Variants in ERN1 observed in about 807,000 individuals in gnomAD.
The protein encoded by ERN1 is serine/threonine-protein kinase/endoribonuclease IRE1.
Under a neutral mutation model 113.1 loss-of-function variants are expected in ERN1, and 39 were observed. That is an observed-to-expected ratio of 0.34 (90% CI 0.27 to 0.45). ERN1 has a LOEUF of 0.45. ERN1 is among the 20% of genes least tolerant of loss of function. The probability of loss-of-function intolerance (pLI) is 1.00; values close to 1 mark genes in which losing one functional copy is unlikely to be tolerated. For synonymous variants in ERN1, 507 were observed against 515.9 expected (o/e 0.98, Z 0.23); for missense variants, 976 against 1,274.8 (o/e 0.77, Z 3.57).
chr17:64,087,760 G>C (rs1431172172), intron 2 of ERN1, among the ~76,000 whole-genome samples: 3 of 152,264 alleles, frequency 2.0e-5, no homozygotes, highest in Non-Finnish European at 4.4e-5. Context: ...AGGTTGGAGA[G>C]AATGGCCTGT....
At chr17:64,084,095 T>C (rs1055915910) in intron 2 of ERN1, among the ~76,000 whole-genome samples, 1 of 151,894 alleles carries the variant, frequency 6.6e-6, no homozygotes, top group Non-Finnish European at 1.5e-5. Flanking sequence ...CCGGGTCCTT[T>C]CTCTGGATCA....
chr17:64,044,268 A>C lies in ERN1; in HGVS notation c.2722-68T>G. On this transcript the variant is annotated intron_variant, in intron 21 of 21. Coordinates refer to ENST00000433197, the MANE Select transcript of ERN1 (RefSeq NM_001433.5). This position sits in a 1 kb window ranked among gnomAD's most constrained non-coding sequence, Gnocchi z 4.1. Reference sequence around the variant, plus strand: ...AAAGCTCGGGAAATGTTGGCAAAACACCCTTTCATCATGCAAGGAAGAGAC... The same window carrying C: ...AAAGCTCGGGAAATGTTGGCAAAACCCCCTTTCATCATGCAAGGAAGAGAC... 1 of 1,135,552 alleles carries C rather than the reference A, an allele frequency of 8.8e-7. No individual in the cohort carries two copies. The highest frequency in any genetic ancestry group is 1.2e-6 in the Non-Finnish European group (1 of 820,114). 70.3% of individuals were successfully genotyped at this position (1,135,552 alleles called of 1,614,324 possible). A position where few individuals can be genotyped will look rare whatever the true frequency, so the allele number is the denominator to read the frequency against.
intron 7 of ERN1, 144 bp downstream of exon 7, chr17:64,068,043 TATG>T (rs1018986664): frequency 1.6e-6 from 1 of 612,100 alleles, no homozygotes; most frequent in African/African-American, 1.9e-5. Context: ...GGGAAGTATT[TATG>T]ATAAGCCCAT....
Position 64,063,270 on chromosome 17 carries a change from T to C in ERN1, c.1087+716A>G, listed in dbSNP as rs1028239885. On this transcript the variant is annotated intron_variant, in intron 10 of 21. Transcript: ENST00000433197. The surrounding 1 kb of genome is among the most constrained non-coding windows in gnomAD (Gnocchi z 5.1). The stretch of plus-strand genomic sequence containing the variant: ...GCAGATGGGGTTCAAGAAAACTCCC[T>C]CCTGCTCTAATGACTTGGCACACTT... Among the ~76,000 whole-genome samples the C allele has an allele frequency of 7.2e-5, 11 of 152,216 alleles. No individual in the cohort carries two copies. The highest frequency in any genetic ancestry group is 2.4e-4 in the African/African-American group (10 of 41,446).
rs754642720 is a variant in ERN1, at chr17:64,042,411, T to C, written c.*1577A>G. 5 of 152,306 alleles carry C rather than the reference T, an allele frequency of 3.3e-5. No individual in the cohort carries two copies. Among genetic ancestry groups the C allele is most frequent in the Middle Eastern group, 3.4e-3 (1 of 294 alleles). The allele number at this position is 152,306 out of a possible 1,614,324, so 9.4% of individuals were successfully genotyped here. The stretch of plus-strand genomic sequence containing the variant: ...AATGAGAGCTTTTGATGAGTAACCA[T>C]GATACAAATACACAAACAGAAAACA... On this transcript the variant is annotated 3_prime_UTR_variant, in exon 22 of 22. Coordinates refer to ENST00000433197, the MANE Select transcript of ERN1 (RefSeq NM_001433.5).
chr17:64,054,885 G>T lies in ERN1; in HGVS notation c.1673-57C>A. ...AAACAGATATCACCTAAAGAACCTT[G>T]AGGTTAACATAGTGACAAGCTTCCT... On this transcript the variant is annotated intron_variant, in intron 13 of 21. Coordinates refer to ENST00000433197, the MANE Select transcript of ERN1 (RefSeq NM_001433.5). This position sits in a 1 kb window ranked among gnomAD's most constrained non-coding sequence, Gnocchi z 4.9. 1.5e-6 allele frequency: 2 copies of T among 1,304,246 alleles called. No individual in the cohort carries two copies. The highest frequency in any genetic ancestry group is 2.2e-6 in the Non-Finnish European group (2 of 926,410). The allele number at this position is 1,304,246 out of a possible 1,614,324, so 80.8% of individuals were successfully genotyped here. A position where few individuals can be genotyped will look rare whatever the true frequency, so the allele number is the denominator to read the frequency against.
chr17:64,083,107 A>G (rs1913818510), intron 2 of ERN1, among the ~76,000 whole-genome samples: 1 of 152,234 alleles, frequency 6.6e-6, no homozygotes, highest in South Asian at 2.1e-4. Flanking sequence ...TTGCTTTAAA[A>G]TACTACAGAA....
intron 5 of ERN1, 90 bp from the exon 6 acceptor site, chr17:64,072,193 G>C: frequency 7.2e-7 from 1 of 1,393,160 alleles, no homozygotes; most frequent in South Asian, 1.3e-5. Context: ...TGTATTGAGA[G>C]AGATAGACCT....
intron 9 of ERN1, 136 bp downstream of exon 9, chr17:64,065,073 A>T: frequency 1.6e-6 from 1 of 612,062 alleles, no homozygotes; most frequent in Non-Finnish European, 2.9e-6. Context: ...TGGCATGTGC[A>T]GAAACTGTTT....
Position 64,075,265 on chromosome 17 carries a change from A to AAAG in ERN1, c.283-19_283-18insCTT. 6.7e-7 allele frequency: 1 copy of AAAG among 1,490,818 alleles called. No individual in the cohort carries two copies. The highest frequency in any genetic ancestry group is 8.9e-7 in the Non-Finnish European group (1 of 1,124,808). The allele number at this position is 1,490,818 out of a possible 1,614,324, so 92.3% of individuals were successfully genotyped here. ...GGAAGTTTCTTTAAAAAAAAAAAAA[A>AAAG]AGAAAAAAAAAAGTTAACCAAGTCT... On this transcript the variant is annotated intron_variant, in intron 4 of 21. Transcript: ENST00000433197.
At chr17:64,056,111 C>T (rs527502108) in intron 12 of ERN1, among the ~76,000 whole-genome samples, 163 bp from the exon 13 acceptor site, 4 of 152,312 alleles carry the variant, frequency 2.6e-5, no homozygotes, top group African/African-American at 4.8e-5. Context: ...AGAATTGCTT[C>T]GATGACTGGA....
chr17:64,060,496 A>G lies in ERN1; in HGVS notation c.1179T>C (p.Ala393=). The change falls in exon 11 of 22, where the codon GCT becomes GCC. Residue 393 remains alanine, a synonymous_variant. Coordinates refer to ENST00000433197, the MANE Select transcript of ERN1 (RefSeq NM_001433.5). ...LPKHRENVIP[A]DSEKKSFEEV... is the part of the protein sequence containing the mutation. ...CCTCAAAGCTCTTTTTCTCTGAATCAGCAGGAATCACATTTTCCCGATGTT... is the reference window on the plus strand; with the variant it reads ...CCTCAAAGCTCTTTTTCTCTGAATCGGCAGGAATCACATTTTCCCGATGTT... 6.2e-7 allele frequency: 1 copy of G among 1,613,716 alleles called. No individual in the cohort carries two copies. The highest frequency in any genetic ancestry group is 2.2e-5 in the East Asian group (1 of 44,878).
At chr17:64,062,172 T>G (rs1276082893) in intron 10 of ERN1, among the ~76,000 whole-genome samples, 1 of 152,276 alleles carries the variant, frequency 6.6e-6, no homozygotes, top group African/African-American at 2.4e-5. Flanking sequence ...GCCCCAGACC[T>G]ACTGAATCAG....
chr17:64,048,149 G>C (rs1395290038), intron 18 of ERN1, among the ~76,000 whole-genome samples, 164 bp from the exon 19 acceptor site: 2 of 152,176 alleles, frequency 1.3e-5, no homozygotes, highest in Non-Finnish European at 2.9e-5. Context: ...CCAAAGAGGT[G>C]AGTCCTCACT....
chr17:64,058,398 T>C (rs1912948216), intron 11 of ERN1, among the ~76,000 whole-genome samples: 2 of 152,188 alleles, frequency 1.3e-5, no homozygotes, highest in South Asian at 4.1e-4. Context: ...ATAATACCAT[T>C]TCACATTAAA....
chr17:64,060,160 C>T (rs1913006313), intron 11 of ERN1, among the ~76,000 whole-genome samples: 5 of 152,176 alleles, frequency 3.3e-5, no homozygotes, highest in Admixed American at 3.3e-4. Flanking sequence ...CTTCCCACTC[C>T]AGGCTTTTGC....
chr17:64,109,043 G>T (rs1344199244), intron 1 of ERN1, among the ~76,000 whole-genome samples: 1 of 151,984 alleles, frequency 6.6e-6, no homozygotes, highest in Admixed American at 6.5e-5. Context: ...AGAATCACTT[G>T]AACCCAGGAG....
intron 2 of ERN1, among the ~76,000 whole-genome samples, chr17:64,085,382 A>C (rs1374372186): frequency 6.6e-6 from 1 of 152,186 alleles, no homozygotes; most frequent in South Asian, 2.1e-4. Flanking sequence ...AGAAGCAGCG[A>C]GAGGGGAGAA....
rs1439026657 is a variant in ERN1 at position 64,042,509 on chromosome 17, ATC to A, written c.*1477_*1478del. 6.6e-6 allele frequency: 1 copy of A among 152,200 alleles called. No individual in the cohort carries two copies. Among genetic ancestry groups the A allele is most frequent in the East Asian group, 1.9e-4 (1 of 5,194 alleles). The allele number at this position is 152,200 out of a possible 1,614,324, so 9.4% of individuals were successfully genotyped here. ...AATCCCATTCTTAATACTGAATGGA[ATC>A]TCTGAGTTCACCAGGCCTGAGCTGC... On this transcript the variant is annotated 3_prime_UTR_variant, in exon 22 of 22. Coordinates refer to ENST00000433197, the MANE Select transcript of ERN1 (RefSeq NM_001433.5).
Sources: gnomAD v4.1 joint callset for allele counts (sites outside exome capture counted in the v4.1 genomes callset) on GRCh38, gnomAD v4.1.1 for gene constraint, Gnocchi (gnomAD v3.1) non-coding constraint, MANE v1.5 for transcripts, NCBI Gene and HGNC (gene_info 2026-07-23, HGNC 2026-07-21) for gene names.